BICRA: variants seen among roughly 807,000 people sequenced by gnomAD.
BICRA encodes BRD4 interacting chromatin remodeling complex associated protein, also known as BRD4-interacting chromatin-remodeling complex-associated protein.
In BICRA, 31 loss-of-function variants were observed where a neutral mutation model predicts 96.9. The observed-to-expected ratio is 0.32, with a 90% CI of 0.24 to 0.43. The LOEUF (loss-of-function observed/expected upper bound fraction) is 0.43. Ranked by LOEUF, BICRA falls within the 20% of genes least tolerant of loss-of-function variation. The pLI is 1.00. For synonymous variants in BICRA, 1,350 were observed against 1,071.8 expected (o/e 1.26, Z -5.07); for missense variants, 2,283 against 2,190.3 (o/e 1.04, Z -0.84).
chr19:47,648,141 G>T (rs28540335), intron 1 of BICRA, among the ~76,000 whole-genome samples: 2 of 151,824 alleles, frequency 1.3e-5, no homozygotes, highest in Non-Finnish European at 2.9e-5. Flanking sequence ...TGAACTGCTC[G>T]TTCCCTCCTT....
At chr19:47,612,112 C>A (rs1409069904) in intron 1 of BICRA, among the ~76,000 whole-genome samples, 1 of 152,122 alleles carries the variant, frequency 6.6e-6, no homozygotes, top group Non-Finnish European at 1.5e-5. Context: ...CTCAGGTAAT[C>A]TGACTGGCAT....
intron 1 of BICRA, among the ~76,000 whole-genome samples, chr19:47,620,593 C>T (rs1437250162): frequency 1.4e-5 from 2 of 144,114 alleles, no homozygotes; most frequent in African/African-American, 2.6e-5. Flanking sequence ...TCACTTGAGC[C>T]CAGAAGGTCG....
rs190076023 is a variant in BICRA, at chr19:47,650,429, G to T, written c.-107-20014G>T. On this transcript the variant is annotated intron_variant, in intron 1 of 14. Coordinates refer to ENST00000594866, the MANE Select transcript of BICRA (RefSeq NM_001394372.1). ...GAGCCACGGCACCTGGCCAATTTTT[G>T]TATTCTTAGTAGAGACAGGATTTCA... Among the ~76,000 whole-genome samples, 378 of 152,212 alleles carry T rather than the reference G, an allele frequency of 2.5e-3. 2 individuals carry two copies. Among genetic ancestry groups the T allele is most frequent in the Non-Finnish European group, 4.6e-3 (311 of 68,008 alleles).
At chr19:47,676,574 C>T (rs1972944882) in intron 5 of BICRA, among the ~76,000 whole-genome samples, 1 of 100,466 alleles carries the variant, frequency 1.0e-5, no homozygotes, top group African/African-American at 3.6e-5. Flanking sequence ...TCGGCCTCCC[C>T]CCTCCCCGCC....
intron 1 of BICRA, among the ~76,000 whole-genome samples, chr19:47,610,618 CA>C (rs200066247): frequency 0.14 from 17,213 of 120,646 alleles, 1,398 homozygotes; most frequent in African/African-American, 0.37. Flanking sequence ...ACCCCCCCCC[CA>C]CACACACACC....
Position 47,702,305 on chromosome 19 carries a change from C to T in BICRA, c.4573C>T (p.His1525Tyr), listed in dbSNP as rs769722568. 31 of 1,580,622 alleles carry T rather than the reference C, an allele frequency of 2.0e-5. No individual in the cohort carries two copies. Among genetic ancestry groups the T allele is most frequent in the Non-Finnish European group, 2.4e-5 (28 of 1,170,882 alleles). ...CCGGACGCCCGCGCCCTCGTACCCC[C>T]ACGCTGCCTCGGCCGGCACCCCCGC... ...PGRTPAPSYP[H>Y]AASAGTPASP... The change falls in exon 15 of 15, where the codon CAC (histidine) becomes TAC (tyrosine). Residue 1525 changes from histidine (H) to tyrosine (Y), a missense_variant. Physicochemically the swap from His to Tyr is moderately conservative, Grantham distance 83. Coordinates refer to ENST00000594866, the MANE Select transcript of BICRA (RefSeq NM_001394372.1).
chr19:47,630,324 C>A (rs2123521918), intron 1 of BICRA, among the ~76,000 whole-genome samples: 1 of 152,012 alleles, frequency 6.6e-6, no homozygotes, highest in East Asian at 1.9e-4. Context: ...CCACGCCTGG[C>A]TAATTTTTTT....
At chr19:47,651,882 CAG>C (rs1257691733) in intron 1 of BICRA, among the ~76,000 whole-genome samples, 2 of 152,212 alleles carry the variant, frequency 1.3e-5, no homozygotes, top group Non-Finnish European at 2.9e-5. Context: ...CTGATTCCCA[CAG>C]ATGGCGCCAC....
At chr19:47,686,333 A>G (rs1395618153) in intron 7 of BICRA, among the ~76,000 whole-genome samples, 1 of 152,174 alleles carries the variant, frequency 6.6e-6, no homozygotes, top group Non-Finnish European at 1.5e-5. Context: ...TATTACCTAT[A>G]TTACAATGTG....
At chr19:47,694,830 C>T in intron 8 of BICRA, 70 bp from the exon 9 acceptor site, 2 of 1,245,718 alleles carry the variant, frequency 1.6e-6, no homozygotes, top group Non-Finnish European at 2.2e-6. Context: ...CCTCCCCAGC[C>T]CTGCTGCGTC....
chr19:47,698,542 G>C lies in BICRA; in HGVS notation c.3249-92G>C, dbSNP rs573023256. On this transcript the variant is annotated intron_variant, in intron 11 of 14. Transcript: ENST00000594866. This position sits in a 1 kb window ranked among gnomAD's most constrained non-coding sequence, Gnocchi z 4.8. ...CCTTCCCGCTGTTGTGTTCAGTTGC[G>C]GCCTGGGGCTGAGGGTTCAGGGACT... 1.7e-5 allele frequency: 12 copies of C among 698,924 alleles called. No individual in the cohort carries two copies. In the East Asian group the frequency reaches 2.7e-4, roughly 16 times the overall value. 43.3% of individuals were successfully genotyped at this position (698,924 alleles called of 1,614,324 possible). A position where few individuals can be genotyped will look rare whatever the true frequency, so the allele number is the denominator to read the frequency against.
At position 47,699,066 on chromosome 19, in the gene BICRA, T is replaced by G. The variant is rs897840673; in HGVS notation, c.3492+7T>G. 1.2e-5 allele frequency: 18 copies of G among 1,537,872 alleles called. No homozygotes were observed. The Admixed American group carries it at 1.5e-4, about 13-fold the overall frequency. The stretch of plus-strand genomic sequence containing the variant: ...GCTCCTGGAGGAGTCCCGGGTAGGG[T>G]CAGAGTCGCCTTCCTCGCCTCTGGG... On this transcript the variant is annotated splice_region_variant and intron_variant, in intron 13 of 14. Transcript: ENST00000594866. The surrounding 1 kb of genome is among the most constrained non-coding windows in gnomAD (Gnocchi z 5.0).
In BICRA at chr19:47,682,064, A is replaced by G; in HGVS notation, c.2195A>G (p.Asp732Gly). The change falls in exon 7 of 15, where the codon GAC becomes GGC. Residue 732 changes from aspartate to glycine, a missense_variant. Physicochemically the swap from Asp to Gly is moderately conservative, Grantham distance 94. Transcript: ENST00000594866. ...VIVSAPPPAQDPAPATPVAKG... is the reference protein window; with the variant it reads ...VIVSAPPPAQGPAPATPVAKG... ...GTCAGCGCCCCGCCTCCCGCCCAAG[A>G]CCCAGCCCCAGCCACCCCCGTCGCC... is the stretch of plus-strand genomic sequence containing the variant. 2 of 1,527,258 alleles carry G rather than the reference A, an allele frequency of 1.3e-6. No homozygotes were observed. Among genetic ancestry groups the G allele is most frequent in the Non-Finnish European group, 8.9e-7 (1 of 1,127,664 alleles). 94.6% of individuals were successfully genotyped at this position (1,527,258 alleles called of 1,614,324 possible).
At chr19:47,667,197 T>A (rs755202356) in intron 1 of BICRA, among the ~76,000 whole-genome samples, 1 of 152,176 alleles carries the variant, frequency 6.6e-6, no homozygotes, top group Non-Finnish European at 1.5e-5. Flanking sequence ...TTTTTGTATT[T>A]TTAGTAGAGA....
chr19:47,666,179 G>A (rs1020229305), intron 1 of BICRA, among the ~76,000 whole-genome samples: 4 of 152,218 alleles, frequency 2.6e-5, no homozygotes, highest in Non-Finnish European at 5.9e-5. Context: ...ACGGGAAGTG[G>A]CAGCCCAGGG....
rs541468081 is a variant in BICRA, at chr19:47,680,242, G to C, written c.1072G>C (p.Val358Leu). 3.2e-6 allele frequency: 5 copies of C among 1,561,190 alleles called. No individual in the cohort carries two copies. The African/African-American group carries it at 6.8e-5, about 21-fold the overall frequency. ...PTPIQPKPAG[V>L]LPPKLYQLTP... Reference sequence around the variant, plus strand: ...GCCCATCCAGCCCAAGCCCGCGGGGGTGCTGCCGCCCAAGCTCTACCAGCT... The same window carrying C: ...GCCCATCCAGCCCAAGCCCGCGGGGCTGCTGCCGCCCAAGCTCTACCAGCT... The change falls in exon 6 of 15, where the codon GTG (valine) becomes CTG (leucine). Residue 358 changes from valine (V) to leucine (L), a missense_variant. Val to Leu is a conservative substitution (Grantham distance 32, BLOSUM62 1). Transcript: ENST00000594866.
At chr19:47,667,509 A>C (rs1382384644) in intron 1 of BICRA, among the ~76,000 whole-genome samples, 3 of 152,136 alleles carry the variant, frequency 2.0e-5, no homozygotes, top group African/African-American at 7.2e-5. Context: ...CGCCTACCAG[A>C]GCCAGGGAGG....
chr19:47,617,672 T>G (rs933480336), intron 1 of BICRA, among the ~76,000 whole-genome samples: 1 of 152,098 alleles, frequency 6.6e-6, no homozygotes, highest in Non-Finnish European at 1.5e-5. Flanking sequence ...CTTTTTAACT[T>G]TTTGTTAAGG....
At position 47,701,312 on chromosome 19, in the gene BICRA, T is replaced by C. The variant is rs776797168; in HGVS notation, c.3596-16T>C. On this transcript the variant is annotated splice_polypyrimidine_tract_variant and intron_variant, in intron 14 of 14. Transcript: ENST00000594866. The surrounding 1 kb of genome is among the most constrained non-coding windows in gnomAD (Gnocchi z 5.4). ...TCATCCTAACCCCGCGGGTTTTCTT[T>C]GCCCCGATTCTGCAGACGAGTACGT... 8 of 1,602,588 alleles carry C rather than the reference T, an allele frequency of 5.0e-6. 1 individual carries two copies. In the Admixed American group the frequency reaches 1.3e-4, roughly 27 times the overall value.
Sources: gnomAD v4.1 joint callset for allele counts (sites outside exome capture counted in the v4.1 genomes callset) on GRCh38, gnomAD v4.1.1 for gene constraint, Gnocchi (gnomAD v3.1) non-coding constraint, MANE v1.5 for transcripts, NCBI Gene and HGNC (gene_info 2026-07-23, HGNC 2026-07-21) for gene names.